Variants in RBFOX1 observed in about 807,000 individuals in gnomAD.
RBFOX1 encodes the protein RNA binding fox-1 homolog 1.
In RBFOX1, 8 loss-of-function variants were observed where a neutral mutation model predicts 57.7. The ratio of observed to expected loss-of-function variants is 0.14; its 90% CI spans 0.08 to 0.25. The LOEUF is 0.25. RBFOX1 is among the 10% of genes least tolerant of loss of function. The probability of loss-of-function intolerance (pLI) is 1.00; values close to 1 mark genes in which losing one functional copy is unlikely to be tolerated. For synonymous variants in RBFOX1, 326 were observed against 222.4 expected, an observed-to-expected ratio of 1.47 and a Z score of -4.15; for missense variants, 611 against 548.5, an observed-to-expected ratio of 1.11 and a Z score of -1.14.
At chr16:7,131,195 A>T (rs1394265270) in intron 4 of RBFOX1, among the ~76,000 whole-genome samples, 1 of 151,958 alleles carries the variant, frequency 6.6e-6, no homozygotes, top group Non-Finnish European at 1.5e-5. Context: ...AAATACAAAA[A>T]GTTAGCCAGG....
At chr16:6,864,501 C>T (rs747017339) in intron 3 of RBFOX1, among the ~76,000 whole-genome samples, 17 of 149,884 alleles carry the variant, frequency 1.1e-4, no homozygotes, top group Non-Finnish European at 2.1e-4. Flanking sequence ...CACATAAAAA[C>T]GTTAATTAAA....
chr16:5,976,329 T>C (rs930386716), intron 4 of RBFOX1, among the ~76,000 whole-genome samples: 1 of 152,174 alleles, frequency 6.6e-6, no homozygotes, highest in Non-Finnish European at 1.5e-5. Flanking sequence ...AAAGCTCACA[T>C]AGACTCCTTT....
chr16:6,564,669 C>G (rs796615136), intron 2 of RBFOX1, among the ~76,000 whole-genome samples: 18 of 152,062 alleles, frequency 1.2e-4, no homozygotes, highest in African/African-American at 3.9e-4. Context: ...AGCTGTTGGT[C>G]AAAACACACA....
At position 5,657,737 on chromosome 16, in the gene RBFOX1, C is replaced by CTTT. The variant is rs144589835; in HGVS notation, c.318+58787_318+58789dup. Among the ~76,000 whole-genome samples the CTTT allele has an allele frequency of 1.0e-3, 121 of 115,334 alleles. 8 individuals carry two copies. The highest frequency in any genetic ancestry group is 3.8e-3 in the African/African-American group (120 of 31,996). 75.7% of individuals were successfully genotyped at this position (115,334 alleles called of 152,430 possible). A position where few individuals can be genotyped will look rare whatever the true frequency, so the allele number is the denominator to read the frequency against. The stretch of plus-strand genomic sequence containing the variant: ...CTCTTTCTTTTGTTTCTTTTCTTTT[C>CTTT]TTTTTTTTTTTTTGAGACAGAATCT... On this transcript the variant is annotated intron_variant, in intron 3 of 19. Transcript: ENST00000641259.
chr16:6,493,547 G>T (rs1307819426), intron 2 of RBFOX1, among the ~76,000 whole-genome samples: 1 of 152,104 alleles, frequency 6.6e-6, no homozygotes, highest in Non-Finnish European at 1.5e-5. Flanking sequence ...CACATGAATA[G>T]CTGTGTATGA....
At chr16:6,273,519 G>A (rs1005373369) in intron 1 of RBFOX1, among the ~76,000 whole-genome samples, 6 of 151,362 alleles carry the variant, frequency 4.0e-5, no homozygotes, top group Non-Finnish European at 7.4e-5. Context: ...TAATTTTTTT[G>A]TATTTTTAGT....
Position 5,274,355 on chromosome 16 carries a change from C to T in RBFOX1, c.219+34250C>T, listed in dbSNP as rs145954240. On this transcript the variant is annotated intron_variant, in intron 1 of 2. Coordinates refer to the RBFOX1 transcript ENST00000585867. ...ACCAGCCTGGCCAACATGGTGAAAC[C>T]GTTTGTCTACTAAAAATACAAAAAT... 4.7e-3 allele frequency among the ~76,000 whole-genome samples: 721 copies of T among 152,130 alleles called. 5 individuals are homozygous for T. The highest frequency in any genetic ancestry group is 6.7e-3 in the Non-Finnish European group (458 of 68,002).
intron 11 of RBFOX1, among the ~76,000 whole-genome samples, chr16:7,634,962 A>G (rs974933012): frequency 6.6e-6 from 1 of 152,172 alleles, no homozygotes; most frequent in Non-Finnish European, 1.5e-5. Context: ...AAACAATTCA[A>G]CCCCTTAACA....
At chr16:6,304,868 C>A (rs1240682180) in intron 1 of RBFOX1, among the ~76,000 whole-genome samples, 4 of 61,448 alleles carry the variant, frequency 6.5e-5, no homozygotes, top group African/African-American at 2.5e-4. Flanking sequence ...CACAGTGAGA[C>A]CCTGTCTCAA....
chr16:5,621,578 G>T (rs2048202683), intron 3 of RBFOX1, among the ~76,000 whole-genome samples: 2 of 152,080 alleles, frequency 1.3e-5, no homozygotes, highest in Non-Finnish European at 2.9e-5. Context: ...GGCATCAGCG[G>T]GATTCAGTGC....
intron 3 of RBFOX1, among the ~76,000 whole-genome samples, chr16:5,837,391 A>T (rs187932933): frequency 2.2e-3 from 331 of 151,948 alleles, no homozygotes; most frequent in African/African-American, 7.6e-3. Context: ...TATTGGACAC[A>T]TTGTTTAATT....
rs141255910 is a variant in RBFOX1, at chr16:6,674,690, G to A, written c.-16+20040G>A. ...TAGACTCACGGGGAAGAAACCATGT[G>A]TTGATGGAGGCAGAGACTGGAGAGA... On this transcript the variant is annotated intron_variant, in intron 3 of 15. Coordinates refer to ENST00000550418, the MANE Select transcript of RBFOX1 (RefSeq NM_018723.4). Among the ~76,000 whole-genome samples, 6 of 152,232 alleles carry A rather than the reference G, an allele frequency of 3.9e-5. No individual in the cohort carries two copies. The East Asian group carries it at 1.2e-3, about 30-fold the overall frequency.
intron 4 of RBFOX1, among the ~76,000 whole-genome samples, chr16:7,153,089 C>A (rs2076402638): frequency 6.6e-6 from 1 of 152,120 alleles, no homozygotes; most frequent in Non-Finnish European, 1.5e-5. Context: ...TTGTACAAAA[C>A]TTGTCTCTTA....
At chr16:5,277,236 C>G (rs1044154381) in intron 1 of RBFOX1, among the ~76,000 whole-genome samples, 1 of 151,642 alleles carries the variant, frequency 6.6e-6, no homozygotes, top group Middle Eastern at 3.2e-3. Flanking sequence ...TGTTCTCACT[C>G]ATAAGTGGGA....
chr16:6,332,877 T>TTA (rs1371155752), intron 2 of RBFOX1, among the ~76,000 whole-genome samples: 1 of 152,242 alleles, frequency 6.6e-6, no homozygotes, highest in Non-Finnish European at 1.5e-5. Context: ...TGCCCATCTC[T>TTA]TATGAAAGTT....
chr16:7,424,259 T>C lies in RBFOX1; in HGVS notation c.28-93888T>C, dbSNP rs115745830. On this transcript the variant is annotated intron_variant, in intron 4 of 15. Coordinates refer to ENST00000550418, the MANE Select transcript of RBFOX1 (RefSeq NM_018723.4). Reference sequence around the variant, plus strand: ...TAATTTACACTTGAATATGAATATATATATATACATATATATGGGGGTGGG... The same window carrying C: ...TAATTTACACTTGAATATGAATATACATATATACATATATATGGGGGTGGG... Among the ~76,000 whole-genome samples, 807 of 144,056 alleles carry C rather than the reference T, an allele frequency of 5.6e-3. 4 individuals carry two copies. The highest frequency in any genetic ancestry group is 0.019 in the African/African-American group (764 of 41,186). The allele number at this position is 144,056 out of a possible 152,430, so 94.5% of individuals were successfully genotyped here.
chr16:6,662,276 A>T (rs555432294), intron 3 of RBFOX1, among the ~76,000 whole-genome samples: 1 of 151,490 alleles, frequency 6.6e-6, no homozygotes, highest in African/African-American at 2.4e-5. Context: ...AGTAGATCTC[A>T]ACTGTTCTCA....
chr16:7,674,505 T>C (rs150739744), intron 13 of RBFOX1, among the ~76,000 whole-genome samples: 1,617 of 152,296 alleles, frequency 0.011, 16 homozygotes, highest in Middle Eastern at 0.024. Flanking sequence ...CTCCGCTGGC[T>C]CTGGAGAGTT....
At chr16:6,021,744 C>A (rs2095082673) in intron 1 of RBFOX1, among the ~76,000 whole-genome samples, 1 of 152,198 alleles carries the variant, frequency 6.6e-6, no homozygotes, top group Admixed American at 6.5e-5. Context: ...CGTTATCTGC[C>A]AGCTGTGTGA....
Sources: gnomAD v4.1 joint callset for allele counts (sites outside exome capture counted in the v4.1 genomes callset) on GRCh38, gnomAD v4.1.1 for gene constraint, MANE v1.5 for transcripts, NCBI Gene and HGNC (gene_info 2026-07-23, HGNC 2026-07-21) for gene names.